ESRRG: variants seen among roughly 807,000 people sequenced by gnomAD.
ESRRG encodes estrogen-related receptor gamma.
ESRRG carries 13 observed loss-of-function variants against 44.0 expected under a neutral mutation model. The observed-to-expected ratio is 0.30, with a 90% CI of 0.19 to 0.47. ESRRG has a LOEUF of 0.47. ESRRG is among the 20% of genes least tolerant of loss of function. The pLI is 1.00. For missense variants in ESRRG, 395 were observed against 580.6 expected (o/e 0.68, Z 3.29); for synonymous variants, 215 against 214.6 (o/e 1.00, Z -0.02).
At chr1:216,516,109 A>T (rs759838578) in intron 6 of ESRRG, among the ~76,000 whole-genome samples, 4 of 152,128 alleles carry the variant, frequency 2.6e-5, no homozygotes, top group African/African-American at 7.2e-5. Flanking sequence ...TTTAAAATTC[A>T]GTTGCACAGA....
At chr1:216,764,745 G>A (rs114151104) in intron 2 of ESRRG, among the ~76,000 whole-genome samples, 39 of 152,240 alleles carry the variant, frequency 2.6e-4, no homozygotes, top group African/African-American at 7.9e-4. Context: ...ATCCAACAGC[G>A]AACAGATGGC....
intron 1 of ESRRG, among the ~76,000 whole-genome samples, chr1:216,986,542 C>A (rs1230471486): frequency 6.6e-6 from 1 of 151,824 alleles, no homozygotes; most frequent in African/African-American, 2.4e-5. Context: ...GAAACCTCGT[C>A]TCTGTAAAAT....
At chr1:216,588,618 A>G (rs1027605652) in intron 3 of ESRRG, among the ~76,000 whole-genome samples, 9 of 152,226 alleles carry the variant, frequency 5.9e-5, no homozygotes, top group African/African-American at 2.2e-4. Flanking sequence ...TGCTGTAAGT[A>G]TAGGATTACT....
intron 1 of ESRRG, among the ~76,000 whole-genome samples, chr1:216,709,039 G>C (rs1427894159): frequency 6.6e-6 from 1 of 152,014 alleles, no homozygotes; most frequent in Non-Finnish European, 1.5e-5. Context: ...CACAGGGAGG[G>C]GAACAACACA....
upstream of ESRRG, among the ~76,000 whole-genome samples, chr1:216,728,390 A>G (rs1329209141): frequency 6.6e-6 from 1 of 152,156 alleles, no homozygotes; most frequent in Non-Finnish European, 1.5e-5. Flanking sequence ...TATGATAAAC[A>G]GTAAACCTAA....
In ESRRG at chr1:217,122,849, C is replaced by CTT. The variant is rs201405969; in HGVS notation, c.-230+14816_-230+14817dup. Among the ~76,000 whole-genome samples, 921 of 150,446 alleles carry CTT rather than the reference C, an allele frequency of 6.1e-3. 9 individuals are homozygous for CTT. Among genetic ancestry groups the CTT allele is most frequent in the African/African-American group, 0.021 (882 of 41,026 alleles). On this transcript the variant is annotated intron_variant, in intron 1 of 8. Coordinates refer to the ESRRG transcript ENST00000366940. ...CCATGACCAGCTAATTTTCTTTTTT[C>CTT]TTTTTTTTTATTTTTAGTACAGACG... is the stretch of plus-strand genomic sequence containing the variant.
At chr1:216,519,505 T>C in intron 5 of ESRRG, 84 bp from the exon 6 acceptor site, 1 of 1,297,114 alleles carries the variant, frequency 7.7e-7, no homozygotes, top group Non-Finnish European at 1.1e-6. Context: ...AGCTGGCTTC[T>C]GCATCAGTGC....
chr1:216,875,683 T>TTTGGG (rs2096339647), intron 2 of ESRRG, among the ~76,000 whole-genome samples: 4 of 152,088 alleles, frequency 2.6e-5, no homozygotes, highest in Admixed American at 2.6e-4. Flanking sequence ...TTGATGAAAA[T>TTTGGG]TTGGGTTTGT....
At chr1:216,921,687 T>C (rs1198104726) in intron 2 of ESRRG, among the ~76,000 whole-genome samples, 1 of 152,196 alleles carries the variant, frequency 6.6e-6, no homozygotes, top group East Asian at 1.9e-4. Context: ...CTGCTTTCTC[T>C]CCATGGCACT....
At chr1:216,993,001 G>C (rs2075934967) in intron 1 of ESRRG, among the ~76,000 whole-genome samples, 1 of 152,040 alleles carries the variant, frequency 6.6e-6, no homozygotes, top group Non-Finnish European at 1.5e-5. Flanking sequence ...TCCACCCACT[G>C]ATATATTTGT....
chr1:217,066,174 A>C (rs2089629069), intron 1 of ESRRG, among the ~76,000 whole-genome samples: 1 of 152,132 alleles, frequency 6.6e-6, no homozygotes, highest in Admixed American at 6.5e-5. Flanking sequence ...TACATGCCAA[A>C]TATTTTTAAA....
At chr1:216,644,220 T>C (rs1038178801) in intron 3 of ESRRG, among the ~76,000 whole-genome samples, 1 of 152,116 alleles carries the variant, frequency 6.6e-6, no homozygotes, top group Non-Finnish European at 1.5e-5. Context: ...TCACCACAAA[T>C]GGTGACTTAT....
At chr1:216,980,076 T>C (rs1560345316) in intron 1 of ESRRG, among the ~76,000 whole-genome samples, 1 of 152,186 alleles carries the variant, frequency 6.6e-6, no homozygotes, top group Non-Finnish European at 1.5e-5. Context: ...ACGCTCACTT[T>C]CCAATCCCAA....
At chr1:217,046,064 T>C (rs114955176) in intron 1 of ESRRG, among the ~76,000 whole-genome samples, 2 of 152,056 alleles carry the variant, frequency 1.3e-5, no homozygotes, top group African/African-American at 2.4e-5. Context: ...AAAAACATAA[T>C]GTCCGTGCAG....
At chr1:216,998,157 C>T (rs1397316404) in intron 1 of ESRRG, among the ~76,000 whole-genome samples, 2 of 152,152 alleles carry the variant, frequency 1.3e-5, no homozygotes, top group Non-Finnish European at 2.9e-5. Context: ...AAGCAGCTAA[C>T]CTCTTGTGAA....
intron 3 of ESRRG, among the ~76,000 whole-genome samples, chr1:216,623,614 G>A (rs568211986): frequency 2.0e-5 from 3 of 152,208 alleles, no homozygotes; most frequent in East Asian, 3.9e-4. Flanking sequence ...ATAAAACAAA[G>A]CTAGCCAAAT....
chr1:216,865,032 TGATTCC>T (rs2096124444), intron 2 of ESRRG: 2 of 151,946 alleles, frequency 1.3e-5, no homozygotes, highest in South Asian at 4.2e-4. Flanking sequence ...CAGAAAAACC[TGATTCC>T]CAAAGGAAAA....
chr1:216,778,888 T>C (rs2093712674), intron 2 of ESRRG, among the ~76,000 whole-genome samples: 1 of 151,094 alleles, frequency 6.6e-6, no homozygotes, highest in Admixed American at 6.7e-5. Flanking sequence ...AGTAAGCTTT[T>C]GAAAAGAAAC....
intron 5 of ESRRG, among the ~76,000 whole-genome samples, chr1:216,520,536 A>T (rs992407310): frequency 6.6e-6 from 1 of 152,174 alleles, no homozygotes; most frequent in African/African-American, 2.4e-5. Context: ...ATATATTTAT[A>T]TATCAGAGGG....
Sources: gnomAD v4.1 joint callset for allele counts (sites outside exome capture counted in the v4.1 genomes callset) on GRCh38, gnomAD v4.1.1 for gene constraint, MANE v1.5 for transcripts, NCBI Gene and HGNC (gene_info 2026-07-23, HGNC 2026-07-21) for gene names.